Variants in HNRNPC observed in about 807,000 individuals in gnomAD.
HNRNPC encodes heterogeneous nuclear ribonucleoproteins C1/C2.
Under a neutral mutation model 33.2 loss-of-function variants are expected in HNRNPC, and 3 were observed. The ratio of observed to expected loss-of-function variants is 0.09; its 90% CI spans 0.04 to 0.23. The LOEUF is 0.23. HNRNPC is among the 10% of genes least tolerant of loss of function. The pLI, the probability that HNRNPC is intolerant of heterozygous loss-of-function variation, is 1.00. For synonymous variants in HNRNPC, 121 were observed against 126.7 expected (o/e 0.96, Z 0.30); for missense variants, 143 against 366.7 (o/e 0.39, Z 4.98).
At chr14:21,261,301 TAAC>T (rs1345178977) in intron 2 of HNRNPC, among the ~76,000 whole-genome samples, 5 of 152,114 alleles carry the variant, frequency 3.3e-5, no homozygotes, top group African/African-American at 1.2e-4. Context: ...TTTGTAGAAT[TAAC>T]AAGGAATAAA....
intron 2 of HNRNPC, among the ~76,000 whole-genome samples, chr14:21,240,165 T>C (rs1895183497): frequency 6.6e-6 from 1 of 152,162 alleles, no homozygotes; most frequent in Non-Finnish European, 1.5e-5. Flanking sequence ...ATTTTAATAG[T>C]AGTGGGAAGG....
At chr14:21,246,660 AAGGAAT>A (rs1219627955) in intron 2 of HNRNPC, among the ~76,000 whole-genome samples, 2 of 152,148 alleles carry the variant, frequency 1.3e-5, no homozygotes, top group African/African-American at 4.8e-5. Flanking sequence ...TTGGAAAAGA[AAGGAAT>A]AATCTGGATG....
chr14:21,256,232 G>A (rs1304332864), intron 2 of HNRNPC, among the ~76,000 whole-genome samples: 1 of 152,128 alleles, frequency 6.6e-6, no homozygotes, highest in East Asian at 1.9e-4. Context: ...CAGATCACAA[G>A]GTCAAGAAAT....
At chr14:21,236,144 A>T (rs1894673857) in intron 2 of HNRNPC, among the ~76,000 whole-genome samples, 1 of 152,166 alleles carries the variant, frequency 6.6e-6, no homozygotes, top group Non-Finnish European at 1.5e-5. Context: ...TTTCATGTGT[A>T]TCAGGCCTTA....
intron 2 of HNRNPC, chr14:21,254,604 G>A (rs1207676853): frequency 6.6e-6 from 1 of 152,026 alleles, no homozygotes; most frequent in Non-Finnish European, 1.5e-5. Flanking sequence ...CTTTTCAAAG[G>A]AGTAATAAAA....
In HNRNPC at chr14:21,231,059, A is replaced by G. The variant is rs1298704075; in HGVS notation, c.255T>C (p.Ala85=). Residue 85 remains alanine, a synonymous_variant, in exon 4 of 9, where the codon GCT becomes GCC. Transcript: ENST00000553300. ...IAGQVLDINL[A]AEPKVNRGKA... ...TTCCTCGGTTCACTTTTGGCTCTGC[A>G]GCCAGGTTAATATCTGAAAAACAAA... 9 of 1,614,148 alleles carry G rather than the reference A, an allele frequency of 5.6e-6. No individual in the cohort carries two copies. The East Asian group carries it at 2.0e-4, about 36-fold the overall frequency.
At chr14:21,229,328 G>A (rs535558251) in intron 5 of HNRNPC, among the ~76,000 whole-genome samples, 77 of 145,648 alleles carry the variant, frequency 5.3e-4, no homozygotes, top group Admixed American at 1.5e-3. Context: ...CCAAGATTGC[G>A]CCACTGCACT....
At chr14:21,237,141 C>T (rs1894783861) in intron 2 of HNRNPC, among the ~76,000 whole-genome samples, 1 of 152,186 alleles carries the variant, frequency 6.6e-6, no homozygotes, top group African/African-American at 2.4e-5. Flanking sequence ...AGAGCAGTTG[C>T]ATCCCTGTAA....
intron 1 of HNRNPC, chr14:21,264,187 T>TA (rs887656865): frequency 6.6e-6 from 1 of 152,214 alleles, no homozygotes; most frequent in African/African-American, 2.4e-5. Flanking sequence ...ACTGAGATTA[T>TA]AAAACCTAAG....
chr14:21,269,162 C>A (rs1375569916), intron 1 of HNRNPC, 136 bp downstream of exon 1: 3 of 152,150 alleles, frequency 2.0e-5, no homozygotes, highest in African/African-American at 7.2e-5. Context: ...CCGGCTTCAA[C>A]CTAATCCCCC....
intron 2 of HNRNPC, among the ~76,000 whole-genome samples, chr14:21,239,613 C>T (rs939734595): frequency 6.6e-6 from 1 of 152,108 alleles, no homozygotes; most frequent in Admixed American, 6.6e-5. Flanking sequence ...GTGGCTCACA[C>T]CTGTAATCCC....
At chr14:21,243,401 G>C (rs1895591222) in intron 2 of HNRNPC, among the ~76,000 whole-genome samples, 1 of 152,106 alleles carries the variant, frequency 6.6e-6, no homozygotes, top group Non-Finnish European at 1.5e-5. Flanking sequence ...GAAGAGTGGG[G>C]CTTACACAGG....
intron 3 of HNRNPC, 43 bp from the exon 4 acceptor site, chr14:21,231,115 G>A (rs773116615): frequency 1.2e-5 from 18 of 1,553,610 alleles, no homozygotes; most frequent in South Asian, 9.0e-5. Context: ...CTTTGTATCC[G>A]GGTAAAACAA....
At chr14:21,237,503 GGCTTACTCA>G (rs1231428041) in intron 2 of HNRNPC, among the ~76,000 whole-genome samples, 1 of 152,216 alleles carries the variant, frequency 6.6e-6, no homozygotes, top group African/African-American at 2.4e-5. Context: ...CTGGGACCAA[GGCTTACTCA>G]GCTTCATCTG....
intron 5 of HNRNPC, among the ~76,000 whole-genome samples, chr14:21,222,410 T>C (rs1892928732): frequency 6.6e-6 from 1 of 152,184 alleles, no homozygotes; most frequent in African/African-American, 2.4e-5. Flanking sequence ...CGGATTTGCC[T>C]ATTTTAGGCA....
chr14:21,253,461 C>CAAAAAAAA (rs71112561), intron 2 of HNRNPC, among the ~76,000 whole-genome samples: 2 of 77,252 alleles, frequency 2.6e-5, no homozygotes, highest in Non-Finnish European at 2.4e-5. Flanking sequence ...GACTCCATCT[C>CAAAAAAAA]AAAAAAAAAA....
chr14:21,243,968 C>T (rs1566627219), intron 2 of HNRNPC, among the ~76,000 whole-genome samples: 1 of 107,694 alleles, frequency 9.3e-6, no homozygotes, highest in Non-Finnish European at 1.9e-5. Flanking sequence ...TGGTGGTTAC[C>T]TCTGAGTGCT....
intron 2 of HNRNPC, among the ~76,000 whole-genome samples, chr14:21,247,976 G>T (rs1896188034): frequency 6.6e-6 from 1 of 150,408 alleles, no homozygotes; most frequent in Non-Finnish European, 1.5e-5. Context: ...CGGCGATGCA[G>T]TAAGATTACA....
chr14:21,222,194 G>A (rs1462709880), intron 5 of HNRNPC, among the ~76,000 whole-genome samples: 1 of 152,118 alleles, frequency 6.6e-6, no homozygotes, highest in Non-Finnish European at 1.5e-5. Context: ...AATGTAAGTG[G>A]AGCAACTGGA....
Sources: gnomAD v4.1 joint callset for allele counts (sites outside exome capture counted in the v4.1 genomes callset) on GRCh38, gnomAD v4.1.1 for gene constraint, MANE v1.5 for transcripts, NCBI Gene and HGNC (gene_info 2026-07-23, HGNC 2026-07-21) for gene names.